The following SYNE2 variants were observed in gnomAD, a reference collection of about 807,000 sequenced individuals.
The protein encoded by SYNE2 is nesprin-2.
In SYNE2, 431 loss-of-function variants were observed where a neutral mutation model predicts 856.3. The observed-to-expected ratio is 0.50, with a 90% CI of 0.47 to 0.55. The LOEUF is 0.55. Among genes scored for constraint, SYNE2 ranks in the 20% least tolerant of loss-of-function variants. The probability of loss-of-function intolerance (pLI) is 0.00; values close to 1 mark genes in which losing one functional copy is unlikely to be tolerated. For synonymous variants in SYNE2, 2,923 were observed against 2,872.3 expected, an observed-to-expected ratio of 1.02 and a Z score of -0.56; for missense variants, 8,129 against 8,023.2, an observed-to-expected ratio of 1.01 and a Z score of -0.50.
At chr14:64,172,346 C>A (rs1422288561) in intron 94 of SYNE2, among the ~76,000 whole-genome samples, 3 of 152,096 alleles carry the variant, frequency 2.0e-5, no homozygotes, top group Admixed American at 2.0e-4. Context: ...GTGGCTGGGG[C>A]TGGTGTCATC....
chr14:64,138,045 C>A, intron 79 of SYNE2, 62 bp downstream of exon 79: 5 of 1,550,296 alleles, frequency 3.2e-6, no homozygotes, highest in South Asian at 1.2e-5. Flanking sequence ...CTCGGGGATT[C>A]TGTAGTCAAC....
At position 63,959,287 on chromosome 14, in the gene SYNE2, CTTTTTTTTT is replaced by C. The variant is rs34198434; in HGVS notation, c.788-2220_788-2212del. On this transcript the variant is annotated intron_variant, in intron 8 of 115. Transcript: ENST00000555002. Reference sequence around the variant, plus strand: ...CCATATTCTTTTTTCTTTTCTTCTTCTTTTTTTTTTTTTTTTTTTTTTTTTTGAGATGGA... The same window carrying C: ...CCATATTCTTTTTTCTTTTCTTCTTCTTTTTTTTTTTTTTTTTGAGATGGA... Among the ~76,000 whole-genome samples, 24 of 81,374 alleles carry C rather than the reference CTTTTTTTTT, an allele frequency of 2.9e-4. No homozygotes were observed. In the East Asian group the frequency reaches 5.7e-3, roughly 19 times the overall value. The allele number at this position is 81,374 out of a possible 152,430, so 53.4% of individuals were successfully genotyped here. A position where few individuals can be genotyped will look rare whatever the true frequency, so the allele number is the denominator to read the frequency against.
chr14:63,963,955 G>T lies in SYNE2; in HGVS notation c.945G>T (p.Lys315Asn). The T allele has an allele frequency of 6.2e-7, 1 of 1,612,612 alleles. No homozygotes were observed. Among genetic ancestry groups the T allele is most frequent in the South Asian group, 1.1e-5 (1 of 91,030 alleles). Residue 315 changes from lysine to asparagine, a missense_variant, in exon 10 of 116, where the codon AAG becomes AAT. Lys to Asn is a moderately conservative substitution (Grantham distance 94). This residue lies in a region of SYNE2 where 2,422 missense variants were observed against 2,357.4 expected (regional missense o/e 1.03). Coordinates refer to ENST00000555002, the MANE Select transcript of SYNE2 (RefSeq NM_182914.3). Reference protein sequence around the residue: ...WLTLQKEKLQKLLKDSENDTY... With the variant: ...WLTLQKEKLQNLLKDSENDTY... Reference sequence around the variant, plus strand: ...CTCTGCAAAAGGAAAAACTACAGAAGTTGCTAAAGGATTCAGAGAATGATA... The same window carrying T: ...CTCTGCAAAAGGAAAAACTACAGAATTTGCTAAAGGATTCAGAGAATGATA...
intron 1 of SYNE2, among the ~76,000 whole-genome samples, chr14:63,831,172 C>T (rs544712089): frequency 2.0e-5 from 3 of 151,938 alleles, no homozygotes; most frequent in East Asian, 1.9e-4. Flanking sequence ...TCTATTTTGG[C>T]GATGCTCTTG....
At chr14:64,007,918 G>A (rs1434610206) in intron 31 of SYNE2, among the ~76,000 whole-genome samples, 2 of 152,108 alleles carry the variant, frequency 1.3e-5, no homozygotes, top group Non-Finnish European at 2.9e-5. Flanking sequence ...GCTGAGGTGG[G>A]AACATCACTT....
At chr14:64,020,949 A>T (rs542967289) in intron 35 of SYNE2, among the ~76,000 whole-genome samples, 7 of 152,138 alleles carry the variant, frequency 4.6e-5, no homozygotes, top group African/African-American at 1.7e-4. Context: ...TGTGTACATC[A>T]TAAATACTCA....
chr14:63,975,326 A>T (rs985926903), intron 11 of SYNE2, among the ~76,000 whole-genome samples: 1 of 151,394 alleles, frequency 6.6e-6, no homozygotes, highest in South Asian at 2.1e-4. Flanking sequence ...GATTGAATTT[A>T]TGTGTATTAT....
intron 67 of SYNE2, among the ~76,000 whole-genome samples, chr14:64,120,277 T>A (rs1196672165): frequency 6.6e-6 from 1 of 152,248 alleles, no homozygotes; most frequent in East Asian, 1.9e-4. Context: ...AAATGTATTT[T>A]AGCCATAGGG....
chr14:64,045,903 C>G (rs76082902), intron 45 of SYNE2, among the ~76,000 whole-genome samples: 7 of 152,040 alleles, frequency 4.6e-5, no homozygotes, highest in Non-Finnish European at 1.0e-4. Context: ...TCCTTCACAC[C>G]CCTGCACCCA....
At chr14:64,134,018 G>T in intron 77 of SYNE2, 51 bp from the exon 78 acceptor site, 1 of 1,608,020 alleles carries the variant, frequency 6.2e-7, no homozygotes, top group South Asian at 1.1e-5. Flanking sequence ...TTGTTATCTG[G>T]AACCAATCTG....
intron 1 of SYNE2, among the ~76,000 whole-genome samples, chr14:63,771,352 G>A (rs1184348980): frequency 3.3e-5 from 5 of 152,006 alleles, no homozygotes; most frequent in Non-Finnish European, 7.4e-5. Flanking sequence ...TTACAAGCGT[G>A]AGCCACCGCG....
At position 64,130,259 on chromosome 14, in the gene SYNE2, C is replaced by A; in HGVS notation, c.14340+11C>A. ...ATAGAAAATCACAAGGTGAGACAGA[C>A]ACATGGGTCGGGTGACCCCTTCATA... On this transcript the variant is annotated intron_variant, in intron 76 of 115. Coordinates refer to ENST00000555002, the MANE Select transcript of SYNE2 (RefSeq NM_182914.3). The A allele has an allele frequency of 6.2e-7, 1 of 1,608,220 alleles. No individual in the cohort carries two copies. The highest frequency in any genetic ancestry group is 1.3e-5 in the African/African-American group (1 of 74,776).
chr14:64,126,311 T>C lies in SYNE2; in HGVS notation c.13555-16T>C. 6.2e-7 allele frequency: 1 copy of C among 1,611,642 alleles called. No individual in the cohort carries two copies. The highest frequency in any genetic ancestry group is 8.5e-7 in the Non-Finnish European group (1 of 1,177,836). On this transcript the variant is annotated splice_polypyrimidine_tract_variant and intron_variant, in intron 71 of 115. Transcript: ENST00000555002. The stretch of plus-strand genomic sequence containing the variant: ...AGGTATCTTAATTTTCTTTTTCTTT[T>C]TTCCTCTTGATTCAGGAAAATATGA...
chr14:64,216,404 C>G lies in SYNE2; in HGVS notation c.19542+17C>G. 6.2e-7 allele frequency: 1 copy of G among 1,613,402 alleles called. No individual in the cohort carries two copies. The highest frequency in any genetic ancestry group is 8.5e-7 in the Non-Finnish European group (1 of 1,179,336). On this transcript the variant is annotated intron_variant, in intron 108 of 115. Coordinates refer to ENST00000555002, the MANE Select transcript of SYNE2 (RefSeq NM_182914.3). Reference sequence around the variant, plus strand: ...CCACCCTATGTAAGTCTTAACTTCACTGGGAGTACAGCCTATGTCTGTGAG... The same window carrying G: ...CCACCCTATGTAAGTCTTAACTTCAGTGGGAGTACAGCCTATGTCTGTGAG...
At chr14:64,194,998 CTGCT>C (rs1234301618) in intron 99 of SYNE2, among the ~76,000 whole-genome samples, 1 of 152,200 alleles carries the variant, frequency 6.6e-6, no homozygotes, top group African/African-American at 2.4e-5. Context: ...TGAGAGAACT[CTGCT>C]TGTCCTATGA....
intron 6 of SYNE2, among the ~76,000 whole-genome samples, chr14:63,943,105 A>G (rs774677723): frequency 1.3e-5 from 2 of 152,108 alleles, no homozygotes; most frequent in African/African-American, 2.4e-5. Flanking sequence ...AAATCTAACC[A>G]CTAAAGTTTG....
At position 64,218,520 on chromosome 14, in the gene SYNE2, C is replaced by T. The variant is rs1210896927; in HGVS notation, c.19657+8C>T. On this transcript the variant is annotated splice_region_variant and intron_variant, in intron 109 of 115. Coordinates refer to ENST00000555002, the MANE Select transcript of SYNE2 (RefSeq NM_182914.3). ...TCACAGAGCAGCAGTCAGGTACTGC[C>T]TGTAACTGGCAGTCGTCCAGAGAGG... The T allele has an allele frequency of 1.2e-6, 2 of 1,612,840 alleles. No homozygotes were observed. Among genetic ancestry groups the T allele is most frequent in the Non-Finnish European group, 1.7e-6 (2 of 1,179,274 alleles).
intron 65 of SYNE2, among the ~76,000 whole-genome samples, chr14:64,112,223 A>G (rs769955116): frequency 6.6e-6 from 1 of 152,238 alleles, no homozygotes; most frequent in East Asian, 1.9e-4. Flanking sequence ...GAGTTAGGGT[A>G]TATATTTGCA....
At position 64,196,566 on chromosome 14, in the gene SYNE2, G is replaced by A. The variant is rs543019121; in HGVS notation, c.18039-6235G>A. 6.6e-5 allele frequency among the ~76,000 whole-genome samples: 10 copies of A among 152,334 alleles called. No individual in the cohort carries two copies. The South Asian group carries it at 1.9e-3, about 28-fold the overall frequency. ...CCCCACAGGGATATTTCTTCTTTAA[G>A]AGGACAAGAGGAAGGCATTCCTATT... On this transcript the variant is annotated intron_variant, in intron 99 of 115. Coordinates refer to ENST00000555002, the MANE Select transcript of SYNE2 (RefSeq NM_182914.3).
Sources: allele counts gnomAD v4.1 joint callset (sites outside exome capture counted in the v4.1 genomes callset), GRCh38; gene constraint gnomAD v4.1.1; regional missense constraint gnomAD v4.1.1; transcripts MANE v1.5; gene names NCBI Gene and HGNC (gene_info 2026-07-23, HGNC 2026-07-21).